NCAPH: variants seen among roughly 807,000 people sequenced by gnomAD.
NCAPH encodes non-SMC condensin I complex subunit H.
NCAPH carries 38 observed loss-of-function variants against 85.5 expected under a neutral mutation model. The ratio of observed to expected loss-of-function variants is 0.44; its 90% CI spans 0.34 to 0.58. The LOEUF (loss-of-function observed/expected upper bound fraction) is 0.58. Ranked by LOEUF, NCAPH falls within the 20% of genes least tolerant of loss-of-function variation. The probability of loss-of-function intolerance (pLI) is 0.01; values close to 1 mark genes in which losing one functional copy is unlikely to be tolerated. For synonymous variants in NCAPH, 301 were observed against 335.1 expected (o/e 0.90, Z 1.11); for missense variants, 789 against 916.6 (o/e 0.86, Z 1.80).
chr2:96,369,144 T>C, intron 16 of NCAPH, 81 bp downstream of exon 16: 1 of 1,320,002 alleles, frequency 7.6e-7, no homozygotes, highest in Admixed American at 2.2e-5. Context: ...ACACACAACC[T>C]GTTTCCTATG....
At chr2:96,338,071 C>G (rs1007685272) in intron 1 of NCAPH, among the ~76,000 whole-genome samples, 1 of 151,940 alleles carries the variant, frequency 6.6e-6, no homozygotes, top group Non-Finnish European at 1.5e-5. Context: ...GGATTACAGA[C>G]ATGCGCCACT....
intron 9 of NCAPH, among the ~76,000 whole-genome samples, chr2:96,358,405 A>T (rs1198004158): frequency 2.6e-5 from 4 of 152,310 alleles, no homozygotes; most frequent in South Asian, 2.1e-4. Flanking sequence ...CGAGGCTGGG[A>T]TTAAGGGACT....
chr2:96,356,304 T>C (rs2064524012), intron 9 of NCAPH, among the ~76,000 whole-genome samples: 1 of 152,112 alleles, frequency 6.6e-6, no homozygotes, highest in African/African-American at 2.4e-5. Flanking sequence ...TGATCTGGAG[T>C]AGATCTGATC....
chr2:96,352,280 T>C (rs911458022), intron 7 of NCAPH, among the ~76,000 whole-genome samples: 1 of 152,208 alleles, frequency 6.6e-6, no homozygotes, highest in African/African-American at 2.4e-5. Context: ...GCCCACTGTT[T>C]GCAGTCAGCT....
intron 12 of NCAPH, among the ~76,000 whole-genome samples, chr2:96,363,724 A>C (rs2104485954): frequency 6.6e-6 from 1 of 152,334 alleles, no homozygotes; most frequent in East Asian, 1.9e-4. Context: ...AGGATGATGG[A>C]TGTAATTAGA....
chr2:96,349,603 A>G (rs1020097643), intron 6 of NCAPH, among the ~76,000 whole-genome samples: 1 of 152,132 alleles, frequency 6.6e-6, no homozygotes, highest in African/African-American at 2.4e-5. Flanking sequence ...GCTGGTCTCA[A>G]ACTCCTGACC....
chr2:96,364,092 G>A (rs772156), intron 12 of NCAPH, among the ~76,000 whole-genome samples: 93,499 of 151,998 alleles, frequency 0.62, 29,468 homozygotes, highest in South Asian at 0.88. Context: ...GTGAGTCACC[G>A]TGCCTGGCTG....
At position 96,351,927 on chromosome 2, in the gene NCAPH, G is replaced by A. The variant is rs1224686468; in HGVS notation, c.817G>A (p.Glu273Lys). 3 of 1,613,790 alleles carry A rather than the reference G, an allele frequency of 1.9e-6. No individual in the cohort carries two copies. Among genetic ancestry groups the A allele is most frequent in the African/African-American group, 2.7e-5 (2 of 74,912 alleles). ...TCTCCACTGCCAGGACTACAGAAGTGAACTGCTGTTTCCCTCTGATGTCCA... is the reference window on the plus strand; with the variant it reads ...TCTCCACTGCCAGGACTACAGAAGTAAACTGCTGTTTCCCTCTGATGTCCA... ...STLHCQDYRSELLFPSDVQTL... is the reference protein window; with the variant it reads ...STLHCQDYRSKLLFPSDVQTL... The change falls in exon 7 of 18, where the codon GAA becomes AAA. Residue 273 changes from glutamate (E) to lysine (K), a missense_variant. By Grantham distance (56) the Glu-to-Lys change is moderately conservative (BLOSUM62 1). Transcript: ENST00000240423.
At chr2:96,358,305 TATCTTTTGGAGCCCTC>T (rs1489216023) in intron 9 of NCAPH, among the ~76,000 whole-genome samples, 4 of 152,126 alleles carry the variant, frequency 2.6e-5, no homozygotes, top group African/African-American at 9.7e-5. Flanking sequence ...ACTATAGCGG[TATCTTTTGGAGCCCTC>T]ATTTACAGAA....
chr2:96,338,622 C>T (rs970344396), intron 1 of NCAPH, among the ~76,000 whole-genome samples: 2 of 151,954 alleles, frequency 1.3e-5, no homozygotes, highest in African/African-American at 4.8e-5. Flanking sequence ...GGAAGGTCGT[C>T]GGGGTAGAGT....
chr2:96,350,931 C>G (rs1390927070), intron 6 of NCAPH, among the ~76,000 whole-genome samples: 1 of 152,202 alleles, frequency 6.6e-6, no homozygotes, highest in Non-Finnish European at 1.5e-5. Flanking sequence ...GTGTGTGATT[C>G]ACCCTGTCCC....
intron 6 of NCAPH, among the ~76,000 whole-genome samples, chr2:96,350,946 C>T (rs1013765434): frequency 6.6e-6 from 1 of 152,342 alleles, no homozygotes; most frequent in Middle Eastern, 3.4e-3. Context: ...TGTCCCTGTT[C>T]TTATGCCCAG....
At position 96,362,184 on chromosome 2, in the gene NCAPH, C is replaced by T. The variant is rs191466070; in HGVS notation, c.1587+1474C>T. Among the ~76,000 whole-genome samples, 900 of 151,906 alleles carry T rather than the reference C, an allele frequency of 5.9e-3. 4 individuals are homozygous for T. The highest frequency in any genetic ancestry group is 8.9e-3 in the Non-Finnish European group (604 of 67,978). On this transcript the variant is annotated intron_variant, in intron 12 of 17. Transcript: ENST00000240423. ...ATAGTAAGCTATGATCATGCCAGTG[C>T]ACTCCAGCCTGGGGGACAAAGTGAG...
chr2:96,370,468 GCCT>G (rs1391238343), intron 17 of NCAPH, among the ~76,000 whole-genome samples: 1 of 152,146 alleles, frequency 6.6e-6, no homozygotes, highest in Non-Finnish European at 1.5e-5. Context: ...GTGACCTCTG[GCCT>G]CCTAATGAAA....
Position 96,368,993 on chromosome 2 carries a change from A to G in NCAPH, c.2020A>G (p.Lys674Glu). 6.4e-7 allele frequency: 1 copy of G among 1,555,252 alleles called. No homozygotes were observed. Among genetic ancestry groups the G allele is most frequent in the Non-Finnish European group, 8.7e-7 (1 of 1,148,818 alleles). Residue 674 changes from lysine (K) to glutamate (E), a missense_variant, in exon 16 of 18, where the codon AAA becomes GAA. By Grantham distance (56) the Lys-to-Glu change is moderately conservative. Coordinates refer to ENST00000240423, the MANE Select transcript of NCAPH (RefSeq NM_015341.5). Reference protein sequence around the residue: ...DAEANHREAGKEAALAEVADE... With the variant: ...DAEANHREAGEEAALAEVADE... The stretch of plus-strand genomic sequence containing the variant: ...TTAGGCAAACCACAGGGAAGCTGGA[A>G]AAGAAGCGGCCCTGGCAGAAGTGGC...
At chr2:96,366,218 A>T (rs1157593550) in intron 14 of NCAPH, among the ~76,000 whole-genome samples, 160 bp downstream of exon 14, 2 of 152,214 alleles carry the variant, frequency 1.3e-5, no homozygotes, top group Non-Finnish European at 2.9e-5. Context: ...GCTGATGCTA[A>T]TTAGGTTTGT....
Position 96,341,732 on chromosome 2 carries a change from C to T in NCAPH, c.110C>T (p.Pro37Leu). 2 of 1,614,228 alleles carry T rather than the reference C, an allele frequency of 1.2e-6. No homozygotes were observed. Among genetic ancestry groups the T allele is most frequent in the Non-Finnish European group, 1.7e-6 (2 of 1,180,054 alleles). The change falls in exon 2 of 18, where the codon CCC becomes CTC. Residue 37 changes from proline (P) to leucine (L), a missense_variant. Transcript: ENST00000240423. Reference sequence around the variant, plus strand: ...CCTTCAGAGCGTGTGTTCCCGATGCCCCTGCCCAGGAAGGCGCCTCTCAAT... The same window carrying T: ...CCTTCAGAGCGTGTGTTCCCGATGCTCCTGCCCAGGAAGGCGCCTCTCAAT... ...SSPSERVFPM[P>L]LPRKAPLNIP... is the part of the protein sequence containing the mutation.
chr2:96,363,310 C>G (rs917350211), intron 12 of NCAPH, among the ~76,000 whole-genome samples: 4 of 152,122 alleles, frequency 2.6e-5, no homozygotes, highest in African/African-American at 9.7e-5. Flanking sequence ...CTGGAAGTGC[C>G]TGTATTAAAC....
rs140792332 is a variant in NCAPH at position 96,373,344 on chromosome 2, G to A, written c.2219G>A (p.Gly740Glu). The A allele has an allele frequency of 1.2e-6, 2 of 1,613,744 alleles. No individual in the cohort carries two copies. The highest frequency in any genetic ancestry group is 2.7e-5 in the African/African-American group (2 of 74,880). Residue 740 changes from glycine (G) to glutamate (E), a missense_variant, in exon 18 of 18, where the codon GGA (glycine) becomes GAA (glutamate). Coordinates refer to ENST00000240423, the MANE Select transcript of NCAPH (RefSeq NM_015341.5). ...CTCTCTGATGTTCTTGTGAGGCAAG[G>A]AGATTGAGTTCACTATGGAGAAGTC... ...EDLSDVLVRQ[G>E]D
Sources: allele counts gnomAD v4.1 joint callset (sites outside exome capture counted in the v4.1 genomes callset), GRCh38; gene constraint gnomAD v4.1.1; transcripts MANE v1.5; gene names NCBI Gene and HGNC (gene_info 2026-07-23, HGNC 2026-07-21).